The following FAIM variants were observed in gnomAD, a reference collection of about 807,000 sequenced individuals.
FAIM encodes the protein fas apoptotic inhibitory molecule 1.
Under a neutral mutation model 21.2 loss-of-function variants are expected in FAIM, and 14 were observed. That is an observed-to-expected ratio of 0.66 (90% confidence interval 0.44 to 1.03). The LOEUF (loss-of-function observed/expected upper bound fraction) is 1.03. Among genes scored for constraint, FAIM ranks in the 50% least tolerant of loss-of-function variants. The pLI, the probability that FAIM is intolerant of heterozygous loss-of-function variation, is 0.00. For synonymous variants in FAIM, 86 were observed against 80.4 expected, an observed-to-expected ratio of 1.07 and a Z score of -0.37; for missense variants, 222 against 247.1, an observed-to-expected ratio of 0.90 and a Z score of 0.68.
At position 138,619,719 on chromosome 3, in the gene FAIM, T is replaced by A; in HGVS notation, c.-8T>A. ...TGCTAATTGGATTAAAGACTGTTTT[T>A]GCCAACCATGGCATCTGGAGATGAC... On this transcript the variant is annotated 5_prime_UTR_variant, in exon 2 of 6. Transcript: ENST00000360570. The A allele has an allele frequency of 6.2e-7, 1 of 1,613,214 alleles. No homozygotes were observed. The highest frequency in any genetic ancestry group is 8.5e-7 in the Non-Finnish European group (1 of 1,179,716).
chr3:138,612,281 T>C (rs1332043368), intron 1 of FAIM, among the ~76,000 whole-genome samples: 1 of 152,048 alleles, frequency 6.6e-6, no homozygotes, highest in Admixed American at 6.5e-5. Context: ...TTTTGTAGTT[T>C]TAGTAGAGAC....
rs541330988 is a variant in FAIM at position 138,613,007 on chromosome 3, T to G, written c.-17+4070T>G. ...TTAGAATAATGTCTGTGGAAGTCCT[T>G]TGCCTTTTTTTTTTTTTTTTCCTGG... On this transcript the variant is annotated intron_variant, in intron 1 of 5. Coordinates refer to ENST00000360570, the MANE Select transcript of FAIM (RefSeq NM_001033031.2). Among the ~76,000 whole-genome samples, 57 of 133,458 alleles carry G rather than the reference T, an allele frequency of 4.3e-4. No homozygotes were observed. The South Asian group carries it at 0.012, about 28-fold the overall frequency. The allele number at this position is 133,458 out of a possible 152,430, so 87.6% of individuals were successfully genotyped here. A position where few individuals can be genotyped will look rare whatever the true frequency, so the allele number is the denominator to read the frequency against.
chr3:138,619,520 A>G (rs1196542090), intron 1 of FAIM, among the ~76,000 whole-genome samples, 191 bp from the exon 2 acceptor site: 1 of 152,240 alleles, frequency 6.6e-6, no homozygotes, highest in East Asian at 1.9e-4. Flanking sequence ...TGCATGATGT[A>G]ACATCTTTCT....
At chr3:138,611,049 G>T (rs764737445) in intron 1 of FAIM, 12 of 1,598,884 alleles carry the variant, frequency 7.5e-6, no homozygotes, top group Non-Finnish European at 1.0e-5. Context: ...TTAGTGCCCT[G>T]CCCAGAGCCT....
At chr3:138,614,658 C>T (rs1291900126) in intron 1 of FAIM, among the ~76,000 whole-genome samples, 1 of 152,026 alleles carries the variant, frequency 6.6e-6, no homozygotes, top group Non-Finnish European at 1.5e-5. Flanking sequence ...AAGACATGTA[C>T]GACCAGGTGC....
chr3:138,617,532 TCTATCTAC>T (rs2042838020), intron 1 of FAIM, among the ~76,000 whole-genome samples: 2 of 146,972 alleles, frequency 1.4e-5, no homozygotes, highest in South Asian at 2.1e-4. Flanking sequence ...TATATCTCTC[TCTATCTAC>T]CTATCTACCT....
Position 138,621,553 on chromosome 3 carries a change from A to G in FAIM, c.177+14A>G, listed in dbSNP as rs780303048. The G allele has an allele frequency of 6.2e-7, 1 of 1,607,510 alleles. No homozygotes were observed. The highest frequency in any genetic ancestry group is 8.5e-7 in the Non-Finnish European group (1 of 1,177,266). On this transcript the variant is annotated intron_variant, in intron 3 of 5. Coordinates refer to ENST00000360570, the MANE Select transcript of FAIM (RefSeq NM_001033031.2). ...GTAGATGGAAAGGTAGGAAGAAAAT[A>G]TGTTACTTTGTAAAATATGATATAT...
intron 5 of FAIM, 160 bp downstream of exon 5, chr3:138,629,316 T>C: frequency 1.9e-6 from 1 of 539,972 alleles, no homozygotes; most frequent in Non-Finnish European, 3.2e-6. Context: ...TGAAAACCTT[T>C]GCCAGATGGT....
chr3:138,611,043 T>A, intron 1 of FAIM: 1 of 1,608,426 alleles, frequency 6.2e-7, no homozygotes, highest in Non-Finnish European at 8.5e-7. Context: ...CTGAGGTTAG[T>A]GCCCTGCCCA....
intron 2 of FAIM, 171 bp from the exon 3 acceptor site, chr3:138,621,236 A>G (rs555248474): frequency 1.5e-6 from 1 of 649,380 alleles, no homozygotes; most frequent in Non-Finnish European, 2.6e-6. Context: ...GGAAGAGTGA[A>G]TAAGAGGGAG....
At position 138,613,011 on chromosome 3, in the gene FAIM, C is replaced by CTTTTTTTTTTT. The variant is rs35341179; in HGVS notation, c.-17+4080_-17+4090dup. Among the ~76,000 whole-genome samples the CTTTTTTTTTTT allele has an allele frequency of 1.4e-5, 2 of 142,052 alleles. 1 individual carries two copies. 93.2% of individuals were successfully genotyped at this position (142,052 alleles called of 152,430 possible). A position where few individuals can be genotyped will look rare whatever the true frequency, so the allele number is the denominator to read the frequency against. On this transcript the variant is annotated intron_variant, in intron 1 of 5. Transcript: ENST00000360570. ...AATAATGTCTGTGGAAGTCCTTTGC[C>CTTTTTTTTTTT]TTTTTTTTTTTTTTTTCCTGGAAAC...
intron 5 of FAIM, among the ~76,000 whole-genome samples, chr3:138,631,423 C>T (rs959230696): frequency 2.0e-5 from 3 of 152,128 alleles, no homozygotes; most frequent in Non-Finnish European, 2.9e-5. Flanking sequence ...CACACACATA[C>T]ACAAGGAATG....
intron 1 of FAIM, among the ~76,000 whole-genome samples, chr3:138,609,608 CT>C (rs2042744186): frequency 1.8e-5 from 2 of 108,274 alleles, no homozygotes; most frequent in Non-Finnish European, 1.8e-5. Context: ...CTCTCTCTCT[CT>C]CTCGACTCTC....
In FAIM at chr3:138,619,740, A is replaced by T; in HGVS notation, c.14A>T (p.Asp5Val). MASG[D>V]DSPIFEDDES... ...TTTTTGCCAACCATGGCATCTGGAG[A>T]TGACAGTCCTATCTTTGAAGATGAT... The change falls in exon 2 of 6, where the codon GAT becomes GTT. Residue 5 changes from aspartate to valine, a missense_variant. Asp to Val is a radical substitution (Grantham distance 152). Coordinates refer to ENST00000360570, the MANE Select transcript of FAIM (RefSeq NM_001033031.2). The T allele has an allele frequency of 6.2e-7, 1 of 1,613,594 alleles. No individual in the cohort carries two copies. Among genetic ancestry groups the T allele is most frequent in the Middle Eastern group, 1.7e-4 (1 of 6,056 alleles).
intron 1 of FAIM, among the ~76,000 whole-genome samples, chr3:138,614,906 A>G (rs1426924574): frequency 6.6e-6 from 1 of 152,138 alleles, no homozygotes; most frequent in African/African-American, 2.4e-5. Context: ...ATACCATTGC[A>G]CTCCAGCCTG....
At position 138,633,249 on chromosome 3, in the gene FAIM, A is replaced by G; in HGVS notation, c.*170A>G. Reference sequence around the variant, plus strand: ...GGAAAAAAACCAATTATGTATAGTCATAAAAATTACAATTTATGATGCAAA... The same window carrying G: ...GGAAAAAAACCAATTATGTATAGTCGTAAAAATTACAATTTATGATGCAAA... On this transcript the variant is annotated 3_prime_UTR_variant, in exon 6 of 6. Transcript: ENST00000360570. 4.4e-6 allele frequency: 2 copies of G among 449,538 alleles called. No individual in the cohort carries two copies. Among genetic ancestry groups the G allele is most frequent in the Non-Finnish European group, 3.7e-6 (1 of 269,676 alleles). The allele number at this position is 449,538 out of a possible 1,614,324, so 27.8% of individuals were successfully genotyped here.
chr3:138,623,647 G>A (rs997813603), intron 4 of FAIM, among the ~76,000 whole-genome samples: 3 of 152,202 alleles, frequency 2.0e-5, no homozygotes, highest in Admixed American at 1.3e-4. Context: ...GGGATTACAG[G>A]TGTGAGCAGC....
chr3:138,627,047 CAT>C (rs1030762499), intron 4 of FAIM, among the ~76,000 whole-genome samples: 3 of 152,114 alleles, frequency 2.0e-5, no homozygotes, highest in Admixed American at 2.0e-4. Flanking sequence ...CTTGATTTCT[CAT>C]AGTCTTCACA....
At chr3:138,623,632 G>T (rs909333641) in intron 4 of FAIM, among the ~76,000 whole-genome samples, 2 of 152,210 alleles carry the variant, frequency 1.3e-5, no homozygotes, top group African/African-American at 4.8e-5. Flanking sequence ...GCCTCCAAAA[G>T]TGCTGGGATT....
Sources: gnomAD v4.1 joint callset for allele counts (sites outside exome capture counted in the v4.1 genomes callset) on GRCh38, gnomAD v4.1.1 for gene constraint, MANE v1.5 for transcripts, NCBI Gene and HGNC (gene_info 2026-07-23, HGNC 2026-07-21) for gene names.